The following NBEA variants were observed in gnomAD, a reference collection of about 807,000 sequenced individuals.
The protein encoded by NBEA is lysosomal-trafficking regulator 2.
Under a neutral mutation model 343.4 loss-of-function variants are expected in NBEA, and 44 were observed. The observed-to-expected ratio is 0.13, with a 90% CI of 0.10 to 0.16. The LOEUF (loss-of-function observed/expected upper bound fraction) is 0.16, where lower values mean the gene tolerates loss of function less well. NBEA is among the 10% of genes least tolerant of loss of function. NBEA has a pLI of 1.00. For missense variants in NBEA, 2,555 were observed against 3,631.3 expected (o/e 0.70, Z 7.62); for synonymous variants, 1,175 against 1,238.7 (o/e 0.95, Z 1.08).
chr13:35,224,739 TG>T (rs1302478024), intron 33 of NBEA, among the ~76,000 whole-genome samples: 1 of 152,198 alleles, frequency 6.6e-6, no homozygotes, highest in Non-Finnish European at 1.5e-5. Context: ...AGGGTTCATC[TG>T]TGATTTTGAT....
At chr13:35,287,723 A>G (rs1009349372) in intron 34 of NBEA, among the ~76,000 whole-genome samples, 10 of 152,174 alleles carry the variant, frequency 6.6e-5, no homozygotes, top group African/African-American at 2.2e-4. Flanking sequence ...TTGCCATCTT[A>G]TTAATGCCAA....
chr13:35,637,704 C>T (rs2083753150), intron 49 of NBEA, among the ~76,000 whole-genome samples: 3 of 152,154 alleles, frequency 2.0e-5, no homozygotes, highest in Middle Eastern at 3.4e-3. Flanking sequence ...CACCTGTAGT[C>T]CCAGCTACTC....
chr13:35,623,294 G>T (rs1460541462), intron 48 of NBEA, among the ~76,000 whole-genome samples: 1 of 152,092 alleles, frequency 6.6e-6, no homozygotes, highest in African/African-American at 2.4e-5. Context: ...CCAATGACCG[G>T]TCAATACTGT....
At chr13:35,074,921 A>G (rs571124493) in intron 10 of NBEA, among the ~76,000 whole-genome samples, 25 of 152,172 alleles carry the variant, frequency 1.6e-4, no homozygotes, top group Admixed American at 3.3e-4. Flanking sequence ...TTCAACCTAC[A>G]TATCTGGTAC....
chr13:35,524,962 G>A lies in NBEA; in HGVS notation c.6586-25515G>A, dbSNP rs371836074. 3.3e-5 allele frequency among the ~76,000 whole-genome samples: 5 copies of A among 152,106 alleles called. No individual in the cohort carries two copies. The East Asian group carries it at 7.7e-4, about 24-fold the overall frequency. ...CATAGTGTATTCTGGTCCCCATTGT[G>A]GATCCTTTTTTTAATTTAGAGAACT... On this transcript the variant is annotated intron_variant, in intron 41 of 58. Transcript: ENST00000379939.
chr13:34,994,583 T>A (rs1365211327), intron 1 of NBEA, among the ~76,000 whole-genome samples: 1 of 152,184 alleles, frequency 6.6e-6, no homozygotes, highest in Non-Finnish European at 1.5e-5. Context: ...ATTTACCATA[T>A]TTTTATCATT....
chr13:35,320,262 C>T (rs1274716479), intron 36 of NBEA, among the ~76,000 whole-genome samples: 1 of 152,136 alleles, frequency 6.6e-6, no homozygotes, highest in Non-Finnish European at 1.5e-5. Flanking sequence ...TTTACTGTTT[C>T]CTTCGGGAGC....
chr13:35,425,572 T>C (rs147784473), intron 38 of NBEA, among the ~76,000 whole-genome samples: 2,981 of 152,292 alleles, frequency 0.02, 113 homozygotes, highest in African/African-American at 0.069. Context: ...TCCAACTATG[T>C]GATCAATTTT....
intron 47 of NBEA, among the ~76,000 whole-genome samples, chr13:35,594,189 T>C (rs2081656463): frequency 6.6e-6 from 1 of 152,162 alleles, no homozygotes; most frequent in African/African-American, 2.4e-5. Context: ...TAAATGTGTT[T>C]CTTATTTTAA....
chr13:35,566,736 CA>C (rs2080156063), intron 44 of NBEA, among the ~76,000 whole-genome samples, 168 bp from the exon 45 acceptor site: 1 of 152,138 alleles, frequency 6.6e-6, no homozygotes, highest in Non-Finnish European at 1.5e-5. Context: ...CGTCTTAAAA[CA>C]ATTATTGAGT....
At chr13:35,150,022 G>T (rs1425096403) in intron 18 of NBEA, among the ~76,000 whole-genome samples, 1 of 152,130 alleles carries the variant, frequency 6.6e-6, no homozygotes, top group Non-Finnish European at 1.5e-5. Flanking sequence ...CCAACTAATT[G>T]CTGGTCCTGT....
chr13:35,554,877 A>G (rs1466961082), intron 43 of NBEA, 110 bp from the exon 44 acceptor site: 5 of 492,858 alleles, frequency 1.0e-5, no homozygotes, highest in Non-Finnish European at 1.8e-5. Flanking sequence ...AGAAGGATAA[A>G]CCATAAATTA....
intron 34 of NBEA, among the ~76,000 whole-genome samples, chr13:35,277,579 C>G (rs1594049276): frequency 1.5e-5 from 2 of 136,230 alleles, no homozygotes; most frequent in East Asian, 4.4e-4. Flanking sequence ...TGAGATCGCA[C>G]CATTGCACTC....
chr13:35,173,626 ATTTACCTG>A, intron 27 of NBEA, 32 bp downstream of exon 27: 1 of 1,579,672 alleles, frequency 6.3e-7, no homozygotes, highest in South Asian at 1.2e-5. Flanking sequence ...GCCAAATATA[ATTTACCTG>A]AAAAAAATCT....
At chr13:35,210,608 A>T (rs2073706766) in intron 32 of NBEA, among the ~76,000 whole-genome samples, 1 of 152,156 alleles carries the variant, frequency 6.6e-6, no homozygotes, top group Admixed American at 6.5e-5. Context: ...TTAAGCAGTG[A>T]TCTTATCAAA....
At chr13:35,296,380 C>CAA (rs1184169537) in intron 35 of NBEA, among the ~76,000 whole-genome samples, 3 of 79,372 alleles carry the variant, frequency 3.8e-5, no homozygotes, top group Non-Finnish European at 5.2e-5. Flanking sequence ...GACTCAGTCT[C>CAA]AAAAAAAAAA....
chr13:35,151,423 AT>A (rs1251458818), intron 18 of NBEA, among the ~76,000 whole-genome samples: 3 of 151,702 alleles, frequency 2.0e-5, no homozygotes, highest in Non-Finnish European at 4.4e-5. Flanking sequence ...CATGCCTGTA[AT>A]TACAGCTACT....
intron 49 of NBEA, among the ~76,000 whole-genome samples, chr13:35,634,160 C>T (rs751018331): frequency 4.3e-4 from 66 of 152,166 alleles, no homozygotes; most frequent in Non-Finnish European, 8.2e-4. Flanking sequence ...CTGGCTAACA[C>T]GGTGAAACCC....
chr13:35,399,822 C>T (rs930514405), intron 38 of NBEA, among the ~76,000 whole-genome samples: 1 of 152,050 alleles, frequency 6.6e-6, no homozygotes, highest in African/African-American at 2.4e-5. Flanking sequence ...CTCTTCCTTT[C>T]TCCTGAACAG....
Sources: allele counts gnomAD v4.1 joint callset (sites outside exome capture counted in the v4.1 genomes callset), GRCh38; gene constraint gnomAD v4.1.1; transcripts MANE v1.5; gene names NCBI Gene and HGNC (gene_info 2026-07-23, HGNC 2026-07-21).